Variants in EYS observed in about 807,000 individuals in gnomAD.
The protein encoded by EYS is protein eyes shut homolog.
A neutral mutation model predicts 282.1 loss-of-function variants in EYS; 250 were observed. The observed-to-expected ratio is 0.89, with a 90% CI of 0.80 to 0.98. The LOEUF is 0.98. Ranked by LOEUF, EYS falls within the 50% of genes least tolerant of loss-of-function variation. The pLI is 0.00. For missense variants in EYS, 4,016 were observed against 3,709.0 expected (o/e 1.08, Z -2.15); for synonymous variants, 1,355 against 1,282.9 (o/e 1.06, Z -1.20).
At chr6:64,226,186 T>TTG (rs1247339247) in intron 31 of EYS, among the ~76,000 whole-genome samples, 2 of 152,132 alleles carry the variant, frequency 1.3e-5, no homozygotes, top group Admixed American at 1.3e-4. Context: ...CGGACTACTC[T>TTG]TGTACACTTT....
chr6:65,044,978 A>G (rs1773057340), intron 13 of EYS, among the ~76,000 whole-genome samples: 1 of 151,834 alleles, frequency 6.6e-6, no homozygotes. Flanking sequence ...GGTGAAAAGC[A>G]ATAGAAATAC....
At chr6:65,575,308 C>G (rs1764621894) in intron 2 of EYS, among the ~76,000 whole-genome samples, 1 of 138,148 alleles carries the variant, frequency 7.2e-6, no homozygotes, top group Non-Finnish European at 1.6e-5. Flanking sequence ...GCCTGGGTGA[C>G]AGAGTGGGAC....
intron 8 of EYS, among the ~76,000 whole-genome samples, chr6:65,383,382 A>G (rs1421616304): frequency 1.3e-5 from 2 of 151,838 alleles, no homozygotes; most frequent in Non-Finnish European, 2.9e-5. Context: ...AGTTGTTGCC[A>G]TATTACAGAA....
chr6:64,108,596 A>ACTTGC (rs1320545542), intron 31 of EYS, among the ~76,000 whole-genome samples: 2 of 150,702 alleles, frequency 1.3e-5, no homozygotes, highest in African/African-American at 4.9e-5. Flanking sequence ...AGTTAGAAAC[A>ACTTGC]CTTGCCTTTG....
intron 41 of EYS, among the ~76,000 whole-genome samples, chr6:63,749,573 G>C (rs149689374): frequency 6.6e-6 from 1 of 152,226 alleles, no homozygotes; most frequent in African/African-American, 2.4e-5. Context: ...GTCTACAGAT[G>C]CTCCCATTCC....
intron 5 of EYS, among the ~76,000 whole-genome samples, chr6:65,480,807 C>T (rs1459755597): frequency 1.3e-5 from 2 of 152,076 alleles, no homozygotes. Context: ...TCATTCCTGG[C>T]AACATGGATA....
chr6:64,492,954 A>T (rs1359450447), intron 26 of EYS, among the ~76,000 whole-genome samples: 1 of 151,328 alleles, frequency 6.6e-6, no homozygotes, highest in Non-Finnish European at 1.5e-5. Context: ...CTAATGTCAT[A>T]ATGCAAGTAA....
intron 7 of EYS, among the ~76,000 whole-genome samples, chr6:65,394,986 C>A (rs1273237830): frequency 1.3e-5 from 2 of 151,280 alleles, no homozygotes; most frequent in Non-Finnish European, 2.9e-5. Flanking sequence ...CCTTCCTGAG[C>A]ATCCCCTCTA....
intron 22 of EYS, among the ~76,000 whole-genome samples, chr6:64,662,269 A>G (rs1583012596): frequency 6.6e-6 from 1 of 150,584 alleles, no homozygotes; most frequent in East Asian, 2.0e-4. Flanking sequence ...GCATTAGGAG[A>G]TATACCTAAT....
intron 7 of EYS, 81 bp from the exon 8 acceptor site, chr6:65,384,581 A>G: frequency 1.3e-6 from 1 of 741,960 alleles, no homozygotes; most frequent in Non-Finnish European, 2.3e-6. Flanking sequence ...TCCAAAAGGA[A>G]TAAGGCTTTG....
At chr6:64,342,459 C>A (rs571408562) in intron 29 of EYS, among the ~76,000 whole-genome samples, 1 of 152,052 alleles carries the variant, frequency 6.6e-6, no homozygotes, top group South Asian at 2.1e-4. Flanking sequence ...CATATCCAGA[C>A]AAACTAAGCT....
intron 29 of EYS, among the ~76,000 whole-genome samples, chr6:64,384,882 C>A (rs542445639): frequency 1.2e-4 from 19 of 152,252 alleles, no homozygotes; most frequent in African/African-American, 4.6e-4. Flanking sequence ...AACCTGTCAG[C>A]ACATACACAT....
At chr6:64,310,773 AAAGAG>A (rs141375794) in intron 29 of EYS, among the ~76,000 whole-genome samples, 87,565 of 151,484 alleles carry the variant, frequency 0.58, 26,415 homozygotes, top group Non-Finnish European at 0.67. Context: ...AGGTGAAAAA[AAAGAG>A]AGAGAGAGAA....
intron 22 of EYS, among the ~76,000 whole-genome samples, chr6:64,745,023 C>G (rs1772507270): frequency 6.6e-6 from 1 of 152,122 alleles, no homozygotes; most frequent in South Asian, 2.1e-4. Flanking sequence ...TGAGGGGAAA[C>G]AGTGTGTCAT....
chr6:64,123,363 ATC>A (rs2150275626), intron 31 of EYS, among the ~76,000 whole-genome samples: 2 of 152,288 alleles, frequency 1.3e-5, no homozygotes, highest in South Asian at 4.1e-4. Context: ...TCAAATTTTC[ATC>A]TGGGAGCAAA....
At chr6:64,111,807 T>C (rs1372905615) in intron 31 of EYS, among the ~76,000 whole-genome samples, 1 of 152,034 alleles carries the variant, frequency 6.6e-6, no homozygotes, top group African/African-American at 2.4e-5. Context: ...TTGAAAGTCC[T>C]GTGAAATGGT....
At chr6:65,372,257 C>T (rs569889736) in intron 8 of EYS, among the ~76,000 whole-genome samples, 1 of 151,980 alleles carries the variant, frequency 6.6e-6, no homozygotes, top group South Asian at 2.1e-4. Flanking sequence ...ATATAACAAA[C>T]AACACTCGAT....
intron 2 of EYS, among the ~76,000 whole-genome samples, chr6:65,532,926 G>A (rs933701955): frequency 6.6e-6 from 1 of 151,906 alleles, no homozygotes; most frequent in African/African-American, 2.4e-5. Flanking sequence ...TTTGTTTTAG[G>A]ATCTTTAAAA....
chr6:64,798,510 T>C (rs990473682), intron 22 of EYS, among the ~76,000 whole-genome samples: 1 of 151,372 alleles, frequency 6.6e-6, no homozygotes, highest in African/African-American at 2.4e-5. Flanking sequence ...TGCCATGTTA[T>C]CCATGTAGTT....
Sources: gnomAD v4.1 joint callset for allele counts (sites outside exome capture counted in the v4.1 genomes callset) on GRCh38, gnomAD v4.1.1 for gene constraint, MANE v1.5 for transcripts, NCBI Gene and HGNC (gene_info 2026-07-23, HGNC 2026-07-21) for gene names.